Variants in VPS13C observed in about 807,000 individuals in gnomAD.
VPS13C encodes the protein intermembrane lipid transfer protein VPS13C.
A neutral mutation model predicts 456.8 loss-of-function variants in VPS13C; 358 were observed. That is an observed-to-expected ratio of 0.78 (90% CI 0.72 to 0.86). The LOEUF is 0.86. Ranked by LOEUF, VPS13C falls within the 40% of genes least tolerant of loss-of-function variation. VPS13C has a pLI of 0.00. For missense variants in VPS13C, 4,818 were observed against 4,385.4 expected, an observed-to-expected ratio of 1.10 and a Z score of -2.79; for synonymous variants, 1,578 against 1,486.7, an observed-to-expected ratio of 1.06 and a Z score of -1.41.
In VPS13C at chr15:61,922,828, A is replaced by G. The variant is rs1328752910; in HGVS notation, c.6610-66T>C. ...TTCCCAGATGAGAATATATACATACATGATTTTAAGTGACATACATTAATT... is the reference window on the plus strand; with the variant it reads ...TTCCCAGATGAGAATATATACATACGTGATTTTAAGTGACATACATTAATT... On this transcript the variant is annotated intron_variant, in intron 53 of 84. Transcript: ENST00000644861. The G allele has an allele frequency of 3.1e-6, 4 of 1,296,498 alleles. No homozygotes were observed. The East Asian group carries it at 8.0e-5, about 26-fold the overall frequency. The allele number at this position is 1,296,498 out of a possible 1,614,324, so 80.3% of individuals were successfully genotyped here.
At chr15:62,021,073 T>C (rs1308199770) in intron 8 of VPS13C, among the ~76,000 whole-genome samples, 4 of 151,936 alleles carry the variant, frequency 2.6e-5, no homozygotes, top group African/African-American at 9.7e-5. Context: ...TTCTCACTTA[T>C]AAGTGGCAGC....
intron 1 of VPS13C, among the ~76,000 whole-genome samples, chr15:62,045,120 A>T (rs1013766661): frequency 1.3e-5 from 2 of 152,070 alleles, no homozygotes; most frequent in African/African-American, 4.8e-5. Context: ...CATTTTAGAG[A>T]TCTGCTTTTC....
chr15:61,867,466 T>C lies in VPS13C; in HGVS notation c.10863+1193A>G. ...GCAGATGCTCCAGGTAATAGTCCCG[T>C]AACTTAAGCAAATTTAGAGCCATTT... On this transcript the variant is annotated intron_variant, in intron 81 of 84. Coordinates refer to ENST00000644861, the MANE Select transcript of VPS13C (RefSeq NM_020821.3). This position sits in a 1 kb window ranked among gnomAD's most constrained non-coding sequence, Gnocchi z 5.0. 1.0e-6 allele frequency: 1 copy of C among 988,252 alleles called. No homozygotes were observed. Among genetic ancestry groups the C allele is most frequent in the South Asian group, 4.7e-5 (1 of 21,466 alleles). The allele number at this position is 988,252 out of a possible 1,614,324, so 61.2% of individuals were successfully genotyped here.
In VPS13C at chr15:62,009,640, A is replaced by T. The variant is rs184715055; in HGVS notation, c.1011+832T>A. 7.2e-5 allele frequency among the ~76,000 whole-genome samples: 11 copies of T among 152,322 alleles called. No homozygotes were observed. The East Asian group carries it at 2.1e-3, about 29-fold the overall frequency. The stretch of plus-strand genomic sequence containing the variant: ...TTACATTGTTAACACAGCTACTAGA[A>T]AATCTAAAATTACAACTTGCATTAC... On this transcript the variant is annotated intron_variant, in intron 13 of 84. Coordinates refer to ENST00000644861, the MANE Select transcript of VPS13C (RefSeq NM_020821.3).
At position 62,044,247 on chromosome 15, in the gene VPS13C, C is replaced by T. The variant is rs761567232; in HGVS notation, c.109G>A (p.Ala37Thr). The change falls in exon 2 of 85, where the codon GCT becomes ACT. Residue 37 changes from alanine to threonine, a missense_variant. Ala to Thr is a moderately conservative substitution (Grantham distance 58). Coordinates refer to ENST00000644861, the MANE Select transcript of VPS13C (RefSeq NM_020821.3). The part of the protein sequence containing the change: ...LKLGIWGGNV[A>T]LDNLQIKENA... The stretch of plus-strand genomic sequence containing the variant: ...TCTTTTATCTGTAGATTATCTAAAG[C>T]CACATTTCCTTTAAAAAAAGAAAAC... The T allele has an allele frequency of 2.0e-6, 3 of 1,473,174 alleles. No homozygotes were observed. The highest frequency in any genetic ancestry group is 2.8e-6 in the Non-Finnish European group (3 of 1,073,042). 91.3% of individuals were successfully genotyped at this position (1,473,174 alleles called of 1,614,324 possible). A position where few individuals can be genotyped will look rare whatever the true frequency, so the allele number is the denominator to read the frequency against.
chr15:62,053,371 T>A (rs891012388), intron 1 of VPS13C, among the ~76,000 whole-genome samples: 1 of 152,304 alleles, frequency 6.6e-6, no homozygotes, highest in East Asian at 1.9e-4. Context: ...GACAATATAT[T>A]ACAGTATATT....
chr15:61,959,535 C>G lies in VPS13C; in HGVS notation c.3969G>C (p.Leu1323Phe), dbSNP rs1180375612. 1 of 1,612,644 alleles carries G rather than the reference C, an allele frequency of 6.2e-7. No homozygotes were observed. The highest frequency in any genetic ancestry group is 2.2e-5 in the East Asian group (1 of 44,820). The change falls in exon 36 of 85, where the codon TTG (leucine) becomes TTC (phenylalanine). Residue 1323 changes from leucine to phenylalanine, a missense_variant. Physicochemically the swap from Leu to Phe is conservative, Grantham distance 22 (BLOSUM62 0). Coordinates refer to ENST00000644861, the MANE Select transcript of VPS13C (RefSeq NM_020821.3). ...PDIQLLHPINLEFLVNRNLAA... is the reference protein window; with the variant it reads ...PDIQLLHPINFEFLVNRNLAA... ...CTAGATTCCGATTTACAAGAAATTC[C>G]AAGTTAATTGGGTGCAACAGCTGAA...
intron 67 of VPS13C, among the ~76,000 whole-genome samples, chr15:61,888,775 G>GT (rs1896455337): frequency 6.6e-6 from 1 of 152,108 alleles, no homozygotes; most frequent in South Asian, 2.1e-4. Flanking sequence ...TACTGTAATG[G>GT]TGAATACAGG....
rs370374102 is a variant in VPS13C, at chr15:62,020,556, A to G, written c.625-18T>C. 1.1e-5 allele frequency: 17 copies of G among 1,609,998 alleles called. No individual in the cohort carries two copies. In the African/African-American group the frequency reaches 1.7e-4, roughly 16 times the overall value. On this transcript the variant is annotated intron_variant, in intron 8 of 84. Transcript: ENST00000644861. ...TCAGTGACCTACCAAAGAAGAAAAGATAACAGTAAAATATGCTGATGGTGA... is the reference window on the plus strand; with the variant it reads ...TCAGTGACCTACCAAAGAAGAAAAGGTAACAGTAAAATATGCTGATGGTGA...
In VPS13C at chr15:62,007,311, AATTTCTTTCTGT is replaced by A. The variant is rs1325080907; in HGVS notation, c.1275_1286del (p.Lys427_Gln430del). On this transcript the variant is annotated inframe_deletion, in exon 15 of 85. Coordinates refer to ENST00000644861, the MANE Select transcript of VPS13C (RefSeq NM_020821.3). ...CACTAATATATGCAAGATATACCTG[AATTTCTTTCTGT>A]ATTTCTTCTGAGACTTTAGACTGTG... 6.2e-7 allele frequency: 1 copy of A among 1,604,520 alleles called. No homozygotes were observed. Among genetic ancestry groups the A allele is most frequent in the Admixed American group, 1.7e-5 (1 of 58,554 alleles).
At chr15:62,011,729 CTGCAATAGTAACATAAGGGT>C (rs1381340199) in intron 12 of VPS13C, among the ~76,000 whole-genome samples, 1 of 151,904 alleles carries the variant, frequency 6.6e-6, no homozygotes, top group Non-Finnish European at 1.5e-5. Flanking sequence ...TATGTTAACA[CTGCAATAGTAACATAAGGGT>C]GACCTGAATA....
chr15:61,879,533 T>C lies in VPS13C; in HGVS notation c.10003-787A>G, dbSNP rs73428691. ...AGCCCTTCCCTAGGGCAATGTTACT[T>C]ATGGGCTATGAAAATAATTGTTGTT... On this transcript the variant is annotated intron_variant, in intron 73 of 84. Coordinates refer to ENST00000644861, the MANE Select transcript of VPS13C (RefSeq NM_020821.3). 3.5e-3 allele frequency: 536 copies of C among 152,200 alleles called. 2 individuals carry two copies. The highest frequency in any genetic ancestry group is 0.012 in the African/African-American group (514 of 41,554). 9.4% of individuals were successfully genotyped at this position (152,200 alleles called of 1,614,324 possible).
intron 3 of VPS13C, among the ~76,000 whole-genome samples, chr15:62,036,433 AT>A (rs1461465049): frequency 6.6e-6 from 1 of 152,106 alleles, no homozygotes; most frequent in Non-Finnish European, 1.5e-5. Context: ...CCTGGTATCT[AT>A]TCCCAAGGTT....
chr15:61,862,872 T>C (rs996741764), intron 82 of VPS13C, among the ~76,000 whole-genome samples: 1 of 152,164 alleles, frequency 6.6e-6, no homozygotes, highest in African/African-American at 2.4e-5. Context: ...ACTAAGAAAG[T>C]TCTGAAAATT....
rs1426665842 is a variant in VPS13C at position 62,028,407 on chromosome 15, C to T, written c.399G>A (p.Gly133=). 4 of 1,612,770 alleles carry T rather than the reference C, an allele frequency of 2.5e-6. No homozygotes were observed. The highest frequency in any genetic ancestry group is 1.7e-5 in the Admixed American group (1 of 59,946). The change falls in exon 6 of 85, where the codon GGG becomes GGA. Residue 133 remains glycine (G), a synonymous_variant. Coordinates refer to ENST00000644861, the MANE Select transcript of VPS13C (RefSeq NM_020821.3). Reference sequence around the variant, plus strand: ...AGTTCTCCAAGCCATATATGAACTCCCCTGAATGTGTGCCTGCATCCCACA... The same window carrying T: ...AGTTCTCCAAGCCATATATGAACTCTCCTGAATGTGTGCCTGCATCCCACA... The part of the protein sequence containing the change: ...QKAAEKGTHS[G]EFIYGLENFV...
rs1275481093 is a variant in VPS13C, at chr15:61,941,720, C to T, written c.5453+43G>A. 7 of 1,512,616 alleles carry T rather than the reference C, an allele frequency of 4.6e-6. No individual in the cohort carries two copies. In the East Asian group the frequency reaches 1.4e-4, roughly 30 times the overall value. The allele number at this position is 1,512,616 out of a possible 1,614,324, so 93.7% of individuals were successfully genotyped here. On this transcript the variant is annotated intron_variant, in intron 46 of 84. Transcript: ENST00000644861. ...CTTAGGTAAAAATTGTATGAAAATCCTATTTCTAGTAAGCAATACACAATT... is the reference window on the plus strand; with the variant it reads ...CTTAGGTAAAAATTGTATGAAAATCTTATTTCTAGTAAGCAATACACAATT...
chr15:61,949,474 C>T lies in VPS13C; in HGVS notation c.4728G>A (p.Val1576=). Residue 1576 remains valine, a synonymous_variant, in exon 42 of 85, where the codon GTG becomes GTA. Transcript: ENST00000644861. ...TGACAGCGATACTTCTGGACTCCCC[C>T]ACAAGTGGTTTCAGCTCGGATTCCT... ...SEKESELKPL[V]GESRSIAVKA... The T allele has an allele frequency of 1.2e-6, 2 of 1,613,510 alleles. No individual in the cohort carries two copies. The highest frequency in any genetic ancestry group is 1.7e-6 in the Non-Finnish European group (2 of 1,179,820).
At chr15:61,907,468 G>T (rs1413664804) in intron 65 of VPS13C, 78 bp from the exon 66 acceptor site, 2 of 1,530,212 alleles carry the variant, frequency 1.3e-6, no homozygotes, top group East Asian at 4.6e-5. Flanking sequence ...CTGAGGAAGG[G>T]ATTAGCACAG....
chr15:61,927,272 G>T lies in VPS13C; in HGVS notation c.6335C>A (p.Pro2112Gln). ...CAGGCTGGCAACAAATACCACTTCT[G>T]GATCTGTGATCATGGCCTTTAAAGT... Reference protein sequence around the residue: ...NMTLKAMITDPEVVFVASLTK... With the variant: ...NMTLKAMITDQEVVFVASLTK... The change falls in exon 52 of 85, where the codon CCA (proline) becomes CAA (glutamine). Residue 2112 changes from proline (P) to glutamine (Q), a missense_variant. Physicochemically the swap from Pro to Gln is moderately conservative, Grantham distance 76. Transcript: ENST00000644861. 6.2e-7 allele frequency: 1 copy of T among 1,614,150 alleles called. No individual in the cohort carries two copies. The highest frequency in any genetic ancestry group is 8.5e-7 in the Non-Finnish European group (1 of 1,180,016).
Sources: allele counts gnomAD v4.1 joint callset (sites outside exome capture counted in the v4.1 genomes callset), GRCh38; gene constraint gnomAD v4.1.1; non-coding constraint Gnocchi (gnomAD v3.1); transcripts MANE v1.5; gene names NCBI Gene and HGNC (gene_info 2026-07-23, HGNC 2026-07-21).